The following RYR3 variants were observed in gnomAD, a reference collection of about 807,000 sequenced individuals.
RYR3 encodes the protein brain ryanodine receptor-calcium release channel.
In RYR3, 207 loss-of-function variants were observed where a neutral mutation model predicts 584.3. That is an observed-to-expected ratio of 0.35 (90% CI 0.32 to 0.40). The LOEUF is 0.40. Ranked by LOEUF, RYR3 falls within the 10% of genes least tolerant of loss-of-function variation. The pLI is 1.00. For missense variants in RYR3, 5,616 were observed against 6,089.2 expected (o/e 0.92, Z 2.59); for synonymous variants, 2,416 against 2,248.5 (o/e 1.07, Z -2.11).
intron 65 of RYR3, among the ~76,000 whole-genome samples, chr15:33,781,125 T>G (rs907506688): frequency 2.6e-5 from 4 of 152,174 alleles, no homozygotes; most frequent in Non-Finnish European, 5.9e-5. Context: ...ATCCTGGAAC[T>G]AAAATCCAAG....
chr15:33,561,975 A>C (rs2057431574), intron 10 of RYR3, among the ~76,000 whole-genome samples: 1 of 152,186 alleles, frequency 6.6e-6, no homozygotes, highest in South Asian at 2.1e-4. Context: ...TGAAAGTTCA[A>C]ATTGCTGCCT....
intron 2 of RYR3, among the ~76,000 whole-genome samples, chr15:33,482,951 C>G (rs557458060): frequency 3.9e-5 from 6 of 152,260 alleles, no homozygotes; most frequent in Admixed American, 2.0e-4. Flanking sequence ...CACTATGACT[C>G]TATCCATTTT....
At chr15:33,685,696 T>A (rs9672227) in intron 38 of RYR3, among the ~76,000 whole-genome samples, 122,610 of 152,174 alleles carry the variant, frequency 0.81, 50,580 homozygotes, top group South Asian at 0.92. Flanking sequence ...TTGGAAATAA[T>A]GCACTCCTCA....
intron 1 of RYR3, among the ~76,000 whole-genome samples, chr15:33,382,310 T>C (rs1273032181): frequency 6.8e-6 from 1 of 148,142 alleles, no homozygotes; most frequent in East Asian, 2.0e-4. Flanking sequence ...CTGCTAATTT[T>C]AAAAGTGGCT....
chr15:33,650,264 C>T (rs578039525), intron 31 of RYR3, among the ~76,000 whole-genome samples: 1 of 152,278 alleles, frequency 6.6e-6, no homozygotes, highest in South Asian at 2.1e-4. Context: ...GTAATCCCAG[C>T]TACTCGGGAG....
intron 73 of RYR3, 109 bp downstream of exon 73, chr15:33,813,103 A>C: frequency 2.9e-6 from 4 of 1,393,108 alleles, no homozygotes; most frequent in Non-Finnish European, 3.9e-6. Flanking sequence ...AGACTGAGAA[A>C]ACAAGGACCA....
intron 38 of RYR3, among the ~76,000 whole-genome samples, chr15:33,688,400 C>T (rs1301810059): frequency 2.0e-5 from 3 of 151,872 alleles, no homozygotes; most frequent in African/African-American, 4.8e-5. Context: ...GGTGAAACCC[C>T]GTCTCTACTA....
chr15:33,493,102 A>T (rs2051112016), intron 2 of RYR3, among the ~76,000 whole-genome samples: 1 of 152,032 alleles, frequency 6.6e-6, no homozygotes, highest in Non-Finnish European at 1.5e-5. Flanking sequence ...CAAAAACCTG[A>T]ACATTAGCTC....
intron 38 of RYR3, among the ~76,000 whole-genome samples, chr15:33,688,148 T>A (rs902562580): frequency 6.6e-6 from 1 of 151,738 alleles, no homozygotes; most frequent in Non-Finnish European, 1.5e-5. Flanking sequence ...GGGAGAAAAA[T>A]TTTGCAATCT....
At chr15:33,585,256 G>T (rs1405674108) in intron 15 of RYR3, among the ~76,000 whole-genome samples, 1 of 152,138 alleles carries the variant, frequency 6.6e-6, no homozygotes, top group African/African-American at 2.4e-5. Flanking sequence ...GGTCTCATGG[G>T]CTAGATTACA....
intron 91 of RYR3, 98 bp downstream of exon 91, chr15:33,842,133 C>T: frequency 7.8e-7 from 1 of 1,274,618 alleles, no homozygotes; most frequent in Non-Finnish European, 1.1e-6. Context: ...TGGTCAGTTA[C>T]ACTTCCTCCC....
chr15:33,348,098 T>C (rs940585694), intron 1 of RYR3, among the ~76,000 whole-genome samples: 1 of 152,232 alleles, frequency 6.6e-6, no homozygotes, highest in Non-Finnish European at 1.5e-5. Context: ...TATCTTCAAC[T>C]CTATACATTA....
intron 67 of RYR3, among the ~76,000 whole-genome samples, chr15:33,796,839 T>C (rs934498168): frequency 6.6e-5 from 10 of 152,240 alleles, no homozygotes; most frequent in Non-Finnish European, 1.2e-4. Flanking sequence ...AGCAAAGATA[T>C]GCCATCAACC....
chr15:33,569,029 T>TGTGTGC, intron 12 of RYR3, among the ~76,000 whole-genome samples: 2 of 152,374 alleles, frequency 1.3e-5, no homozygotes, highest in South Asian at 4.1e-4. Context: ...CTTGTGTGTG[T>TGTGTGC]GTGTGCGTGT....
chr15:33,793,988 A>G (rs1435782120), intron 67 of RYR3, among the ~76,000 whole-genome samples: 2 of 143,722 alleles, frequency 1.4e-5, no homozygotes, highest in African/African-American at 5.1e-5. Flanking sequence ...AAATAAATAT[A>G]TAAATACATA....
At position 33,662,650 on chromosome 15, in the gene RYR3, G is replaced by A. The variant is rs966294530; in HGVS notation, c.5120G>A (p.Gly1707Glu). The A allele has an allele frequency of 1.2e-6, 2 of 1,613,930 alleles. No individual in the cohort carries two copies. Among genetic ancestry groups the A allele is most frequent in the African/African-American group, 1.3e-5 (1 of 74,908 alleles). The change falls in exon 35 of 104, where the codon GGG becomes GAG. Residue 1707 changes from glycine to glutamate, a missense_variant. Gly to Glu is a moderately conservative substitution (Grantham distance 98). This residue lies in a region of RYR3 where 753 missense variants were observed against 741.0 expected (regional missense o/e 1.02). Coordinates refer to ENST00000634891, the MANE Select transcript of RYR3 (RefSeq NM_001036.6). ...SMLTEAVQCSGAHIRDPVGGS... is the reference protein window; with the variant it reads ...SMLTEAVQCSEAHIRDPVGGS... ...CTGACAGAGGCAGTGCAGTGCAGCG[G>A]GGCCCACATCCGAGACCCTGTAGGG...
chr15:33,327,402 C>G (rs759203502), intron 1 of RYR3, among the ~76,000 whole-genome samples: 1 of 152,176 alleles, frequency 6.6e-6, no homozygotes, highest in Non-Finnish European at 1.5e-5. Flanking sequence ...TGTGGTACAA[C>G]CATTGTTTGA....
At chr15:33,554,429 G>A (rs539358931) in intron 10 of RYR3, among the ~76,000 whole-genome samples, 108 of 151,980 alleles carry the variant, frequency 7.1e-4, no homozygotes, top group African/African-American at 2.4e-3. Flanking sequence ...CCGAGTAGCT[G>A]GGACTACAGG....
rs572911415 is a variant in RYR3 at position 33,579,877 on chromosome 15, G to C, written c.1269-99G>C. On this transcript the variant is annotated intron_variant, in intron 12 of 103. Coordinates refer to ENST00000634891, the MANE Select transcript of RYR3 (RefSeq NM_001036.6). ...TGGCCGCCCAAGGAAGCAACTCATG[G>C]TGCACCGTGGGGGGCTGTTAGGAGT... is the stretch of plus-strand genomic sequence containing the variant. 214 of 826,464 alleles carry C rather than the reference G, an allele frequency of 2.6e-4. No individual in the cohort carries two copies. The Middle Eastern group carries it at 3.0e-3, about 12-fold the overall frequency. The allele number at this position is 826,464 out of a possible 1,614,324, so 51.2% of individuals were successfully genotyped here. A position where few individuals can be genotyped will look rare whatever the true frequency, so the allele number is the denominator to read the frequency against.
Sources: gnomAD v4.1 joint callset for allele counts (sites outside exome capture counted in the v4.1 genomes callset) on GRCh38, gnomAD v4.1.1 for gene constraint, gnomAD v4.1.1 regional missense constraint, MANE v1.5 for transcripts, NCBI Gene and HGNC (gene_info 2026-07-23, HGNC 2026-07-21) for gene names.